The following F13A1 variants were observed in gnomAD, a reference collection of about 807,000 sequenced individuals.
F13A1 encodes FSF, A subunit.
A neutral mutation model predicts 80.1 loss-of-function variants in F13A1; 47 were observed. The observed-to-expected ratio is 0.59, with a 90% CI of 0.46 to 0.75. F13A1 has a LOEUF of 0.75. Ranked by LOEUF, F13A1 falls within the 30% of genes least tolerant of loss-of-function variation. F13A1 has a pLI of 0.00. For synonymous variants in F13A1, 349 were observed against 344.9 expected (o/e 1.01, Z -0.13); for missense variants, 817 against 930.4 (o/e 0.88, Z 1.59).
chr6:6,270,829 G>A (rs17374745), intron 3 of F13A1, among the ~76,000 whole-genome samples: 21,589 of 152,218 alleles, frequency 0.14, 1,809 homozygotes, highest in Non-Finnish European at 0.19. Context: ...ATATGCTGCC[G>A]TGGATAAGAG....
intron 3 of F13A1, among the ~76,000 whole-genome samples, chr6:6,271,125 C>T (rs1205543484): frequency 2.6e-5 from 4 of 152,150 alleles, no homozygotes; most frequent in Admixed American, 1.3e-4. Context: ...TCCTGATTGG[C>T]AGGCTTTTCA....
chr6:6,297,349 A>G (rs1412692927), intron 3 of F13A1, among the ~76,000 whole-genome samples: 2 of 151,618 alleles, frequency 1.3e-5, no homozygotes, highest in African/African-American at 2.4e-5. Flanking sequence ...TACCTCTGGT[A>G]GAATTTGGCT....
intron 1 of F13A1, among the ~76,000 whole-genome samples, chr6:6,319,273 T>C (rs1758734366): frequency 6.6e-6 from 1 of 152,188 alleles, no homozygotes; most frequent in Non-Finnish European, 1.5e-5. Context: ...TATAGTCTGA[T>C]AGGGTTAGGG....
In F13A1 at chr6:6,301,267, T is replaced by C. The variant is rs181674139; in HGVS notation, c.319+4084A>G. On this transcript the variant is annotated intron_variant, in intron 3 of 14. Coordinates refer to ENST00000264870, the MANE Select transcript of F13A1 (RefSeq NM_000129.4). ...CTCTCATGTAACTTCCTGAATGATG[T>C]GAGATGCAGAAATGACTCTGATCAA... Among the ~76,000 whole-genome samples the C allele has an allele frequency of 7.4e-4, 112 of 152,324 alleles. No individual in the cohort carries two copies. In the East Asian group the frequency reaches 0.011, roughly 15 times the overall value.
chr6:6,223,315 A>G (rs1757226205), intron 7 of F13A1, among the ~76,000 whole-genome samples: 1 of 152,142 alleles, frequency 6.6e-6, no homozygotes, highest in African/African-American at 2.4e-5. Context: ...GGTGTTCACT[A>G]TTTTATCTTG....
intron 6 of F13A1, among the ~76,000 whole-genome samples, chr6:6,248,069 T>G (rs1175046432): frequency 4.6e-5 from 7 of 152,240 alleles, no homozygotes; most frequent in African/African-American, 1.7e-4. Context: ...ACAGTATCAT[T>G]ATATCTATCA....
intron 13 of F13A1, among the ~76,000 whole-genome samples, chr6:6,166,374 G>A (rs752920329): frequency 3.3e-5 from 5 of 152,200 alleles, no homozygotes; most frequent in South Asian, 2.1e-4. Flanking sequence ...AAGGATTCAC[G>A]AGAAGCAAGG....
chr6:6,154,521 G>A (rs1022098610), intron 13 of F13A1, among the ~76,000 whole-genome samples: 4 of 152,138 alleles, frequency 2.6e-5, no homozygotes, highest in Admixed American at 6.6e-5. Context: ...GAGCAGCCCC[G>A]CACCCCAGCC....
At chr6:6,311,527 A>AAG (rs1170109373) in intron 2 of F13A1, among the ~76,000 whole-genome samples, 1 of 144,202 alleles carries the variant, frequency 6.9e-6, no homozygotes, top group Non-Finnish European at 1.5e-5. Flanking sequence ...TAAGTCAAAA[A>AAG]AAAAAAGACA....
intron 10 of F13A1, among the ~76,000 whole-genome samples, chr6:6,190,333 T>C (rs572573355): frequency 6.6e-6 from 1 of 152,198 alleles, no homozygotes; most frequent in African/African-American, 2.4e-5. Flanking sequence ...TTCTGCTCTG[T>C]TTTTTCCCCA....
intron 8 of F13A1, among the ~76,000 whole-genome samples, chr6:6,198,214 T>C (rs1761325996): frequency 6.6e-6 from 1 of 152,174 alleles, no homozygotes; most frequent in African/African-American, 2.4e-5. Context: ...TTATTAAAAG[T>C]GCTAAGGGTC....
chr6:6,163,578 G>C (rs1433934681), intron 13 of F13A1, among the ~76,000 whole-genome samples: 1 of 152,154 alleles, frequency 6.6e-6, no homozygotes, highest in Admixed American at 6.5e-5. Context: ...ACTTATAAGT[G>C]AGAACGTGCA....
intron 4 of F13A1, among the ~76,000 whole-genome samples, chr6:6,258,797 T>A (rs562941086): frequency 1.1e-3 from 166 of 152,314 alleles, no homozygotes; most frequent in African/African-American, 3.7e-3. Context: ...TAAAACTTCA[T>A]AAAAATTCAA....
chr6:6,195,655 G>C, intron 10 of F13A1, 142 bp downstream of exon 10: 1 of 755,158 alleles, frequency 1.3e-6, no homozygotes, highest in Non-Finnish European at 2.4e-6. Flanking sequence ...CCTGGAAGTT[G>C]GAATAATGCC....
chr6:6,222,237 C>T (rs1402255267), intron 7 of F13A1, 66 bp from the exon 8 acceptor site: 1 of 1,604,454 alleles, frequency 6.2e-7, no homozygotes, highest in Admixed American at 1.7e-5. Context: ...AGTGAAAAAA[C>T]CCTTCTTGTA....
At chr6:6,302,290 C>T (rs964580778) in intron 3 of F13A1, among the ~76,000 whole-genome samples, 13 of 151,974 alleles carry the variant, frequency 8.6e-5, no homozygotes, top group Admixed American at 3.3e-4. Context: ...TTGTCATGCA[C>T]GGGATGTAAT....
At chr6:6,253,758 AAT>A (rs1757667460) in intron 4 of F13A1, among the ~76,000 whole-genome samples, 1 of 152,250 alleles carries the variant, frequency 6.6e-6, no homozygotes, top group Non-Finnish European at 1.5e-5. Context: ...GTAATGGACA[AAT>A]ATATGGAAGG....
intron 6 of F13A1, among the ~76,000 whole-genome samples, chr6:6,231,299 A>G (rs1757349093): frequency 6.6e-6 from 1 of 152,194 alleles, no homozygotes; most frequent in Non-Finnish European, 1.5e-5. Context: ...AGTCTCAGCA[A>G]TAGAATTGAA....
At chr6:6,247,989 T>C (rs568753537) in intron 6 of F13A1, among the ~76,000 whole-genome samples, 58 of 152,366 alleles carry the variant, frequency 3.8e-4, no homozygotes, top group East Asian at 7.7e-4. Context: ...TGTTTGATTA[T>C]AGTCATTGAC....
Sources: gnomAD v4.1 joint callset for allele counts (sites outside exome capture counted in the v4.1 genomes callset) on GRCh38, gnomAD v4.1.1 for gene constraint, MANE v1.5 for transcripts, NCBI Gene and HGNC (gene_info 2026-07-23, HGNC 2026-07-21) for gene names.